Variants in VGF observed in about 807,000 individuals in gnomAD.
The protein encoded by VGF is neurosecretory protein VGF.
Under a neutral mutation model 41.1 loss-of-function variants are expected in VGF, and 13 were observed. That is an observed-to-expected ratio of 0.32 (90% CI 0.21 to 0.50). The LOEUF is 0.50. Among genes scored for constraint, VGF ranks in the 20% least tolerant of loss-of-function variants. VGF has a pLI of 0.98. For missense variants in VGF, 920 were observed against 882.1 expected (o/e 1.04, Z -0.54); for synonymous variants, 473 against 418.3 (o/e 1.13, Z -1.60).
chr7:101,165,114 T>C (rs770512791), intron 1 of VGF: 70 of 1,193,672 alleles, frequency 5.9e-5, no homozygotes, highest in Non-Finnish European at 6.3e-5. Context: ...CTGAGCCATC[T>C]CACTGCCATC....
At chr7:101,165,846 G>A (rs1335018584), upstream of VGF, among the ~76,000 whole-genome samples, 2 of 152,200 alleles carry the variant, frequency 1.3e-5, no homozygotes, top group Non-Finnish European at 2.9e-5. Flanking sequence ...GGCTATGAAT[G>A]AATGAAGGAG....
Position 101,162,754 on chromosome 7 carries a change from A to C in VGF, c.*242T>G. On this transcript the variant is annotated 3_prime_UTR_variant, in exon 2 of 2. Coordinates refer to ENST00000249330, the MANE Select transcript of VGF (RefSeq NM_003378.4). The surrounding 1 kb of genome is among the most constrained non-coding windows in gnomAD (Gnocchi z 4.2). ...GGCCGGGGCCCCGCGTGGCAAGGGA[A>C]CTCGCACAAACCACCCGCCCTCCTG... 1.1e-5 allele frequency: 7 copies of C among 609,304 alleles called. No individual in the cohort carries two copies. Among genetic ancestry groups the C allele is most frequent in the Admixed American group, 2.1e-5 (1 of 46,764 alleles). The allele number at this position is 609,304 out of a possible 1,614,324, so 37.7% of individuals were successfully genotyped here.
Position 101,162,966 on chromosome 7 carries a change from G to A in VGF, c.*30C>T, listed in dbSNP as rs1301231332. The A allele has an allele frequency of 2.5e-6, 3 of 1,185,314 alleles. No individual in the cohort carries two copies. Among genetic ancestry groups the A allele is most frequent in the Non-Finnish European group, 3.3e-6 (3 of 920,838 alleles). The allele number at this position is 1,185,314 out of a possible 1,614,324, so 73.4% of individuals were successfully genotyped here. A position where few individuals can be genotyped will look rare whatever the true frequency, so the allele number is the denominator to read the frequency against. On this transcript the variant is annotated 3_prime_UTR_variant, in exon 2 of 2. Transcript: ENST00000249330. This position sits in a 1 kb window ranked among gnomAD's most constrained non-coding sequence, Gnocchi z 4.2. ...GGCGCCGGCGCGCGCGCGCGGCGGG[G>A]GCGCGCGGGGGCGGGACCGGGAAGG...
Position 101,163,663 on chromosome 7 carries a change from T to TCCTCCGCCTCTG in VGF, c.1169_1180dup (p.Ala390_Glu393dup). The TCCTCCGCCTCTG allele has an allele frequency of 3.2e-6, 5 of 1,539,086 alleles. No individual in the cohort carries two copies. The highest frequency in any genetic ancestry group is 3.9e-5 in the Admixed American group (2 of 51,026). ...CGCGTTCTGCCGCGCCCTCTCCGCC[T>TCCTCCGCCTCTG]CCTCCGCCTCTGCCTCCGCCTCGGC... On this transcript the variant is annotated inframe_insertion, in exon 2 of 2. Coordinates refer to ENST00000249330, the MANE Select transcript of VGF (RefSeq NM_003378.4). This position sits in a 1 kb window ranked among gnomAD's most constrained non-coding sequence, Gnocchi z 5.0.
upstream of VGF, among the ~76,000 whole-genome samples, chr7:101,167,053 A>G (rs1007474092): frequency 1.3e-5 from 2 of 152,112 alleles, no homozygotes; most frequent in African/African-American, 4.8e-5. This position sits in a 1 kb window ranked among gnomAD's most constrained non-coding sequence, Gnocchi z 4.2. Flanking sequence ...TCAGGGTCTT[A>G]GAGACTCTTT....
In VGF at chr7:101,163,647, C is replaced by T. The variant is rs1427455985; in HGVS notation, c.1197G>A (p.Arg399=). The T allele has an allele frequency of 5.8e-6, 9 of 1,542,078 alleles. No individual in the cohort carries two copies. Among genetic ancestry groups the T allele is most frequent in the African/African-American group, 4.1e-5 (3 of 73,068 alleles). ...CCTCCGCGAACAGGAGCGCGTTCTG[C>T]CGCGCCCTCTCCGCCTCCTCCGCCT... The part of the protein sequence containing the change: ...EAEAEEAERA[R]QNALLFAEEE... The change falls in exon 2 of 2, where the codon CGG becomes CGA. Residue 399 remains arginine, a synonymous_variant. Coordinates refer to ENST00000249330, the MANE Select transcript of VGF (RefSeq NM_003378.4). The surrounding 1 kb of genome is among the most constrained non-coding windows in gnomAD (Gnocchi z 5.0).
At position 101,164,243 on chromosome 7, in the gene VGF, C is replaced by G; in HGVS notation, c.601G>C (p.Gly201Arg). 1.3e-6 allele frequency: 2 copies of G among 1,588,994 alleles called. No individual in the cohort carries two copies. The highest frequency in any genetic ancestry group is 1.1e-5 in the South Asian group (1 of 90,696). ...TLTRVNLESP[G>R]PERVWRASWG... ...GAAGCGCGCCATACGCGCTCTGGCC[C>G]CGGGCTCTCCAGATTCACTCGGGTC... Residue 201 changes from glycine (G) to arginine (R), a missense_variant, in exon 2 of 2, where the codon GGG becomes CGG. Coordinates refer to ENST00000249330, the MANE Select transcript of VGF (RefSeq NM_003378.4).
upstream of VGF, among the ~76,000 whole-genome samples, chr7:101,166,633 C>T (rs1232931058): frequency 6.7e-6 from 1 of 150,116 alleles, no homozygotes; most frequent in African/African-American, 2.5e-5. Context: ...CCCCTTCGAC[C>T]GTATCTCCTG....
chr7:101,168,238 C>CAAGG (rs1430367935), upstream of VGF, among the ~76,000 whole-genome samples: 1 of 152,056 alleles, frequency 6.6e-6, no homozygotes, highest in African/African-American at 2.4e-5. Context: ...TCAGCATCCC[C>CAAGG]AAGGCTCCAG....
chr7:101,163,822 GC>G lies in VGF; in HGVS notation c.1021del (p.Ala341ProfsTer333), dbSNP rs1212883153. On this transcript the variant is annotated frameshift_variant, in exon 2 of 2. Transcript: ENST00000249330. LOFTEE classifies it high-confidence loss of function. This position sits in a 1 kb window ranked among gnomAD's most constrained non-coding sequence, Gnocchi z 5.0. ...LLLQYLLQGG[A>X]RQRGLGGRGL... The stretch of plus-strand genomic sequence containing the variant: ...CCGACCCCCGAGGCCGCGCTGCCGG[GC>G]CCCGCCCTGCAGCAAATACTGGAGC... The G allele has an allele frequency of 1.3e-6, 2 of 1,530,586 alleles. No individual in the cohort carries two copies. Among genetic ancestry groups the G allele is most frequent in the Non-Finnish European group, 1.7e-6 (2 of 1,144,242 alleles). 94.8% of individuals were successfully genotyped at this position (1,530,586 alleles called of 1,614,324 possible). A position where few individuals can be genotyped will look rare whatever the true frequency, so the allele number is the denominator to read the frequency against.
At position 101,164,513 on chromosome 7, in the gene VGF, C is replaced by A. The variant is rs774552451; in HGVS notation, c.331G>T (p.Ala111Ser). The A allele has an allele frequency of 6.3e-7, 1 of 1,599,750 alleles. No homozygotes were observed. Among genetic ancestry groups the A allele is most frequent in the South Asian group, 1.1e-5 (1 of 90,780 alleles). The change falls in exon 2 of 2, where the codon GCT (alanine) becomes TCT (serine). Residue 111 changes from alanine (A) to serine (S), a missense_variant. Coordinates refer to ENST00000249330, the MANE Select transcript of VGF (RefSeq NM_003378.4). ...ACGGTCTCGGTCAGCAGAGCTTCAG[C>A]TGCTTCTTCCTCCGGCCCCTGCTGG... ...GSQQGPEEEA[A>S]EALLTETVRS... is the part of the protein sequence containing the mutation.
chr7:101,168,267 G>A, upstream of VGF, among the ~76,000 whole-genome samples: 1 of 152,138 alleles, frequency 6.6e-6, no homozygotes, highest in African/African-American at 2.4e-5. Context: ...TCGTGAGGGA[G>A]CGGGGTGGAT....
rs150854873 is a variant in VGF, at chr7:101,163,542, C to G, written c.1302G>C (p.Gly434=). 562 of 1,603,652 alleles carry G rather than the reference C, an allele frequency of 3.5e-4. No homozygotes were observed. The highest frequency in any genetic ancestry group is 4.5e-4 in the Non-Finnish European group (529 of 1,175,222). The change falls in exon 2 of 2, where the codon GGG becomes GGC. Residue 434 remains glycine, a synonymous_variant. Transcript: ENST00000249330. The surrounding 1 kb of genome is among the most constrained non-coding windows in gnomAD (Gnocchi z 5.0). The part of the protein sequence containing the change: ...TPGHRRKEAE[G]TEEGGEEEDD... ...CCTCCTCCTCCCCGCCCTCCTCTGT[C>G]CCCTCGGCCTCCTTCCGCCGGTGGC...
chr7:101,165,187 C>T (rs1797198406), intron 1 of VGF, 187 bp downstream of exon 1: 1 of 1,035,236 alleles, frequency 9.7e-7, no homozygotes, highest in Non-Finnish European at 1.2e-6. Context: ...CCCCGTAGGA[C>T]TCCCCGGATG....
In VGF at chr7:101,163,084, T is replaced by G. The variant is rs1172416872; in HGVS notation, c.1760A>C (p.Gln587Pro). 2 of 1,576,656 alleles carry G rather than the reference T, an allele frequency of 1.3e-6. No homozygotes were observed. The highest frequency in any genetic ancestry group is 4.9e-5 in the East Asian group (2 of 40,568). The change falls in exon 2 of 2, where the codon CAG becomes CCG. Residue 587 changes from glutamine (Q) to proline (P), a missense_variant. Physicochemically the swap from Gln to Pro is moderately conservative, Grantham distance 76. Coordinates refer to ENST00000249330, the MANE Select transcript of VGF (RefSeq NM_003378.4). This position sits in a 1 kb window ranked among gnomAD's most constrained non-coding sequence, Gnocchi z 5.0. Reference protein sequence around the residue: ...PGREAQARRAQEEAEAEERRL... With the variant: ...PGREAQARRAPEEAEAEERRL... The stretch of plus-strand genomic sequence containing the variant: ...GCGCTCCTCCGCCTCCGCCTCCTCC[T>G]GCGCGCGCCGCGCCTGGGCCTCCCG...
In VGF at chr7:101,163,376, G is replaced by A; in HGVS notation, c.1468C>T (p.Pro490Ser). 1 of 1,578,376 alleles carries A rather than the reference G, an allele frequency of 6.3e-7. No homozygotes were observed. The highest frequency in any genetic ancestry group is 1.7e-5 in the Admixed American group (1 of 58,692). ...GGGGCGGCACGGGGGGGCGGCACGG[G>A]CTCGGGAGGGGCGTTCTTCTTCCGC... ...RKRKKNAPPE[P>S]VPPPRAAPAP... Residue 490 changes from proline to serine, a missense_variant, in exon 2 of 2, where the codon CCC becomes TCC. Coordinates refer to ENST00000249330, the MANE Select transcript of VGF (RefSeq NM_003378.4). This position sits in a 1 kb window ranked among gnomAD's most constrained non-coding sequence, Gnocchi z 5.0.
chr7:101,168,009 G>GTTTTTT (rs374063215), upstream of VGF, among the ~76,000 whole-genome samples: 7 of 99,998 alleles, frequency 7.0e-5, no homozygotes, highest in Admixed American at 9.8e-5. Flanking sequence ...GTGCTGGGTT[G>GTTTTTT]TTTTTTTTTG....
upstream of VGF, among the ~76,000 whole-genome samples, chr7:101,169,884 A>G (rs950980442): frequency 6.6e-6 from 1 of 152,080 alleles, no homozygotes; most frequent in Non-Finnish European, 1.5e-5. Context: ...ACACACAAAG[A>G]CGCCCACGGA....
chr7:101,164,026 G>T lies in VGF; in HGVS notation c.818C>A (p.Ala273Asp), dbSNP rs562202382. The T allele has an allele frequency of 5.4e-6, 8 of 1,483,340 alleles. No homozygotes were observed. The East Asian group carries it at 1.9e-4, about 36-fold the overall frequency. 91.9% of individuals were successfully genotyped at this position (1,483,340 alleles called of 1,614,324 possible). Residue 273 changes from alanine to aspartate, a missense_variant, in exon 2 of 2, where the codon GCC becomes GAC. By Grantham distance (126) the Ala-to-Asp change is moderately radical. This residue lies in a region of VGF where 654 missense variants were observed against 638.4 expected (regional missense o/e 1.02). Transcript: ENST00000249330. ...APLSKAYQGV[A>D]APFPKARRPE... ...CCGGCGCGCCTTGGGGAACGGGGCG[G>T]CCACGCCTTGGTACGCCTTGGACAG...
Sources: gnomAD v4.1 joint callset for allele counts (sites outside exome capture counted in the v4.1 genomes callset) on GRCh38, gnomAD v4.1.1 for gene constraint, gnomAD v4.1.1 regional missense constraint, Gnocchi (gnomAD v3.1) non-coding constraint, MANE v1.5 for transcripts, NCBI Gene and HGNC (gene_info 2026-07-23, HGNC 2026-07-21) for gene names.